Variants in OPHN1 observed in about 807,000 individuals in gnomAD.
OPHN1 encodes the protein oligophrenin-1.
A neutral mutation model predicts 60.7 loss-of-function variants in OPHN1; 11 were observed. That is an observed-to-expected ratio of 0.18 (90% CI 0.11 to 0.30). OPHN1 has a LOEUF of 0.30. Among genes scored for constraint, OPHN1 ranks in the 10% least tolerant of loss-of-function variants. The pLI, the probability that OPHN1 is intolerant of heterozygous loss-of-function variation, is 1.00. For missense variants in OPHN1, 449 were observed against 611.0 expected (o/e 0.73, Z 2.80); for synonymous variants, 226 against 222.6 (o/e 1.02, Z -0.14).
At position 68,149,876 on chromosome X, in the gene OPHN1, G is replaced by T. The variant is rs1317586334; in HGVS notation, c.1277-30544C>A. Among the ~76,000 whole-genome samples, 5 of 110,770 alleles carry T rather than the reference G, an allele frequency of 4.5e-5. No individual in the cohort carries two copies. The East Asian group carries it at 8.5e-4, about 19-fold the overall frequency. On this transcript the variant is annotated intron_variant, in intron 15 of 24. Transcript: ENST00000355520. ...ATGTTCATACCAGCACTATTCACAA[G>T]AACTAAAAGGCGGAAACAGCTCAAA... is the stretch of plus-strand genomic sequence containing the variant.
At chrX:68,101,100 T>C (rs2077057010) in intron 18 of OPHN1, among the ~76,000 whole-genome samples, 1 of 112,076 alleles carries the variant, frequency 8.9e-6, no homozygotes, top group South Asian at 3.7e-4. Context: ...ACTGGTGTTA[T>C]ATTATCTGTC....
intron 5 of OPHN1, among the ~76,000 whole-genome samples, chrX:68,242,776 T>C (rs2077787781): frequency 8.9e-6 from 1 of 112,363 alleles, no homozygotes; most frequent in African/African-American, 3.2e-5. Context: ...ACAACATGAA[T>C]GAACCTGGAA....
chrX:68,271,763 C>A (rs1305307094), intron 5 of OPHN1, among the ~76,000 whole-genome samples: 1 of 111,014 alleles, frequency 9.0e-6, no homozygotes, highest in Non-Finnish European at 1.9e-5. Flanking sequence ...CCCTAGGGTG[C>A]AAGCTCAATG....
chrX:68,096,530 T>C (rs978821420), intron 19 of OPHN1, among the ~76,000 whole-genome samples: 3 of 111,822 alleles, frequency 2.7e-5, no homozygotes, highest in Admixed American at 9.5e-5. Context: ...TACAGTTTCA[T>C]TGTATATAGA....
chrX:68,265,963 A>T (rs2077923019), intron 5 of OPHN1, among the ~76,000 whole-genome samples: 1 of 111,613 alleles, frequency 9.0e-6, no homozygotes, highest in African/African-American at 3.3e-5. Context: ...TGAAGTGAGA[A>T]GAGAGGTTTA....
At position 68,192,997 on chromosome X, in the gene OPHN1, G is replaced by C; in HGVS notation, c.1202-4C>G. The C allele has an allele frequency of 5.0e-6, 6 of 1,201,685 alleles. No homozygotes were observed. The highest frequency in any genetic ancestry group is 6.8e-6 in the Non-Finnish European group (6 of 886,518). ...TACAACCCTTCTGTCTTGATCCCTA[G>C]TGGAGGAAAAAATCAGGTTAATTTC... On this transcript the variant is annotated splice_polypyrimidine_tract_variant and splice_region_variant and intron_variant, in intron 14 of 24. Coordinates refer to ENST00000355520, the MANE Select transcript of OPHN1 (RefSeq NM_002547.3).
chrX:68,198,233 G>T (rs994629390), intron 11 of OPHN1, among the ~76,000 whole-genome samples: 24 of 110,186 alleles, frequency 2.2e-4, no homozygotes, highest in Admixed American at 1.8e-3. Flanking sequence ...ATGGGATTAG[G>T]GCCCTTTTAC....
At chrX:68,091,920 G>A (rs1444115992) in intron 19 of OPHN1, among the ~76,000 whole-genome samples, 1 of 110,958 alleles carries the variant, frequency 9.0e-6, no homozygotes, top group East Asian at 2.8e-4. Context: ...CAGTGTAGAG[G>A]TAGATCTTCC....
chrX:68,264,794 C>T (rs777742485), intron 5 of OPHN1, among the ~76,000 whole-genome samples: 2 of 112,361 alleles, frequency 1.8e-5, no homozygotes, highest in African/African-American at 6.5e-5. Flanking sequence ...AAAGGAGTGA[C>T]AGACAGCCCC....
intron 21 of OPHN1, among the ~76,000 whole-genome samples, chrX:68,061,772 A>T (rs2076893974): frequency 8.9e-6 from 1 of 111,839 alleles, no homozygotes; most frequent in Admixed American, 9.5e-5. Flanking sequence ...TGATCACATC[A>T]GCATCAGTGG....
At chrX:68,131,048 AC>A (rs2077192061) in intron 15 of OPHN1, among the ~76,000 whole-genome samples, 1 of 111,062 alleles carries the variant, frequency 9.0e-6, no homozygotes. Flanking sequence ...AGGGAGAGAT[AC>A]CCTGTGAAGT....
intron 2 of OPHN1, among the ~76,000 whole-genome samples, chrX:68,304,596 G>C (rs1339391805): frequency 3.6e-5 from 4 of 110,885 alleles, no homozygotes; most frequent in Admixed American, 1.9e-4. Context: ...AATTAACAAA[G>C]GGCTTAGCAT....
At chrX:68,058,511 G>A (rs1569379239) in intron 21 of OPHN1, among the ~76,000 whole-genome samples, 2 of 111,253 alleles carry the variant, frequency 1.8e-5, no homozygotes. Flanking sequence ...AGGTTAGTTC[G>A]CCTCTTCCTA....
intron 4 of OPHN1, among the ~76,000 whole-genome samples, chrX:68,281,264 A>T (rs1484888223): frequency 8.9e-6 from 1 of 112,061 alleles, no homozygotes; most frequent in Non-Finnish European, 1.9e-5. Flanking sequence ...CCAGATACAG[A>T]CCCATATAAA....
At chrX:68,250,507 C>T (rs1306410931) in intron 5 of OPHN1, among the ~76,000 whole-genome samples, 1 of 111,277 alleles carries the variant, frequency 9.0e-6, no homozygotes, top group Non-Finnish European at 1.9e-5. Flanking sequence ...CTATGTGCCA[C>T]GTGGCTAAAG....
chrX:68,058,820 T>G (rs2076882893), intron 21 of OPHN1, among the ~76,000 whole-genome samples: 1 of 112,029 alleles, frequency 8.9e-6, no homozygotes, highest in Non-Finnish European at 1.9e-5. Context: ...CTCAAAGAAG[T>G]AAAGCTGAAC....
intron 13 of OPHN1, 149 bp downstream of exon 13, chrX:68,194,316 T>A (rs2147457759): frequency 1.8e-6 from 1 of 546,765 alleles, no homozygotes; most frequent in Admixed American, 2.7e-5. Context: ...CAGACACATT[T>A]AAAAAATATA....
rs961080408 is a variant in OPHN1 at position 68,160,871 on chromosome X, T to C, written c.1276+32048A>G. On this transcript the variant is annotated intron_variant, in intron 15 of 24. Transcript: ENST00000355520. ...TTCTTACCTTAAGGCCCTGGGAAAA[T>C]AGCAAAGTAAACCTAACAGCAAGAA... Among the ~76,000 whole-genome samples the C allele has an allele frequency of 4.5e-5, 5 of 109,983 alleles. No individual in the cohort carries two copies. In the East Asian group the frequency reaches 1.4e-3, roughly 31 times the overall value.
intron 5 of OPHN1, among the ~76,000 whole-genome samples, chrX:68,237,239 C>A (rs1176445788): frequency 3.5e-5 from 4 of 112,784 alleles, no homozygotes; most frequent in African/African-American, 9.7e-5. Flanking sequence ...CCCACCTCAG[C>A]CTCCCAAAGT....
Sources: gnomAD v4.1 joint callset for allele counts (sites outside exome capture counted in the v4.1 genomes callset) on GRCh38, gnomAD v4.1.1 for gene constraint, MANE v1.5 for transcripts, NCBI Gene and HGNC (gene_info 2026-07-23, HGNC 2026-07-21) for gene names.